Variants in SLC6A5 observed in about 807,000 individuals in gnomAD.
SLC6A5 encodes sodium- and chloride-dependent glycine transporter 2.
SLC6A5 carries 58 observed loss-of-function variants against 90.5 expected under a neutral mutation model. That is an observed-to-expected ratio of 0.64 (90% CI 0.52 to 0.80). SLC6A5 has a LOEUF of 0.80. Among genes scored for constraint, SLC6A5 ranks in the 30% least tolerant of loss-of-function variants. The pLI is 0.00. For missense variants in SLC6A5, 1,015 were observed against 1,017.6 expected (o/e 1.00, Z 0.03); for synonymous variants, 427 against 401.4 (o/e 1.06, Z -0.76).
chr11:20,643,211 T>A (rs1390895610), intron 13 of SLC6A5, among the ~76,000 whole-genome samples: 2 of 150,142 alleles, frequency 1.3e-5, no homozygotes, highest in Admixed American at 6.6e-5. Context: ...AATAGAAATT[T>A]CTAGAATCTC....
Position 20,601,305 on chromosome 11 carries a change from A to C in SLC6A5, c.180A>C (p.Gln60His), listed in dbSNP as rs1262270985. The C allele has an allele frequency of 1.9e-6, 3 of 1,592,226 alleles. No individual in the cohort carries two copies. Among genetic ancestry groups the C allele is most frequent in the Non-Finnish European group, 1.7e-6 (2 of 1,174,314 alleles). ...CCAGGTCCGCTTCCACCGGCGCCCA[A>C]ACTTTCCAGTCAGCGGACGCGCGAG... ...RVPRSASTGA[Q>H]TFQSADARAC... Residue 60 changes from glutamine to histidine, a missense_variant, in exon 2 of 16, where the codon CAA becomes CAC. Gln to His is a conservative substitution (Grantham distance 24). Transcript: ENST00000525748.
chr11:20,630,692 G>A lies in SLC6A5; in HGVS notation c.1501G>A (p.Asp501Asn), dbSNP rs138733797. Residue 501 changes from aspartate to asparagine, a missense_variant and splice_region_variant, in exon 10 of 16, where the codon GAC becomes AAC. Physicochemically the swap from Asp to Asn is conservative, Grantham distance 23. Transcript: ENST00000525748. ...AAAACTCTGGTCTCTTCCTTCCAGG[G>A]ACACTCTAATTGTCACCTGCACCAA... ...YNKFHNNCYR[D>N]TLIVTCTNSA... 6.2e-7 allele frequency: 1 copy of A among 1,614,188 alleles called. No homozygotes were observed.
At chr11:20,617,191 G>C (rs939253420) in intron 6 of SLC6A5, among the ~76,000 whole-genome samples, 4 of 152,202 alleles carry the variant, frequency 2.6e-5, no homozygotes, top group Non-Finnish European at 4.4e-5. Flanking sequence ...TTTTGCTTGA[G>C]CAAGGTCTAG....
chr11:20,636,950 G>A (rs1410082384), intron 11 of SLC6A5, among the ~76,000 whole-genome samples: 1 of 152,134 alleles, frequency 6.6e-6, no homozygotes, highest in African/African-American at 2.4e-5. Flanking sequence ...AGTCTCTGGG[G>A]GTTGGAAGTG....
In SLC6A5 at chr11:20,658,279, T is replaced by A. The variant is rs1351376518; in HGVS notation, c.*3411T>A. Reference sequence around the variant, plus strand: ...TTGTTCCCTTGGCTGTAGGTCATTGTCCTCTTCCCAGAGGCTAGCACAATA... The same window carrying A: ...TTGTTCCCTTGGCTGTAGGTCATTGACCTCTTCCCAGAGGCTAGCACAATA... On this transcript the variant is annotated 3_prime_UTR_variant, in exon 16 of 16. Transcript: ENST00000525748. 1 of 152,214 alleles carries A rather than the reference T, an allele frequency of 6.6e-6. No individual in the cohort carries two copies. Among genetic ancestry groups the A allele is most frequent in the Non-Finnish European group, 1.5e-5 (1 of 68,044 alleles). The allele number at this position is 152,214 out of a possible 1,614,324, so 9.4% of individuals were successfully genotyped here.
chr11:20,629,714 A>G (rs1431578369), intron 9 of SLC6A5, among the ~76,000 whole-genome samples: 2 of 151,318 alleles, frequency 1.3e-5, no homozygotes, highest in Non-Finnish European at 2.9e-5. Flanking sequence ...TAGTCATCTC[A>G]TAGTGCTGTA....
Position 20,626,836 on chromosome 11 carries a change from T to C in SLC6A5, c.1389T>C (p.Asp463=). 1 of 1,613,934 alleles carries C rather than the reference T, an allele frequency of 6.2e-7. No individual in the cohort carries two copies. The highest frequency in any genetic ancestry group is 8.5e-7 in the Non-Finnish European group (1 of 1,179,792). The change falls in exon 8 of 16, where the codon GAT becomes GAC. Residue 463 remains aspartate (D), a synonymous_variant. Coordinates refer to ENST00000525748, the MANE Select transcript of SLC6A5 (RefSeq NM_004211.5). ...FITPKWEKLT[D]ATVWKDAATQ... is the part of the protein sequence containing the mutation. ...CACCCAAGTGGGAGAAACTCACGGATGCCACGGTGGGCTTCTAATTTTATC... is the reference window on the plus strand; with the variant it reads ...CACCCAAGTGGGAGAAACTCACGGACGCCACGGTGGGCTTCTAATTTTATC...
At chr11:20,633,163 T>C (rs1565283690) in intron 10 of SLC6A5, among the ~76,000 whole-genome samples, 1 of 152,096 alleles carries the variant, frequency 6.6e-6, no homozygotes, top group Non-Finnish European at 1.5e-5. Context: ...TCAGAATCTA[T>C]CCTGAAGCCA....
Position 20,646,852 on chromosome 11 carries a change from A to G in SLC6A5, c.1988A>G (p.Glu663Gly). 1 of 1,613,060 alleles carries G rather than the reference A, an allele frequency of 6.2e-7. No homozygotes were observed. Among genetic ancestry groups the G allele is most frequent in the South Asian group, 1.1e-5 (1 of 91,042 alleles). Residue 663 changes from glutamate (E) to glycine (G), a missense_variant, in exon 14 of 16, where the codon GAA (glutamate) becomes GGA (glycine). Glu to Gly is a moderately conservative substitution (Grantham distance 98). Coordinates refer to ENST00000525748, the MANE Select transcript of SLC6A5 (RefSeq NM_004211.5). ...TTTGCAGGCTTGCAAAGATTCTGTG[A>G]AGATATAGAGATGATGATTGGATTC... ...SYVYGLQRFC[E>G]DIEMMIGFQP...
chr11:20,637,116 G>C (rs1165698214), intron 11 of SLC6A5, 56 bp from the exon 12 acceptor site: 1 of 1,584,430 alleles, frequency 6.3e-7, no homozygotes, highest in Admixed American at 1.7e-5. Flanking sequence ...GGGCTTGGGG[G>C]TACCTCCTGG....
chr11:20,607,405 C>T, intron 4 of SLC6A5, 74 bp from the exon 5 acceptor site: 1 of 1,556,546 alleles, frequency 6.4e-7, no homozygotes, highest in East Asian at 2.2e-5. Flanking sequence ...ACCTAGGTCC[C>T]CACCCTATGC....
At chr11:20,651,905 CAAAAAGAAAAA>C (rs1179640720) in intron 14 of SLC6A5, among the ~76,000 whole-genome samples, 2 of 148,646 alleles carry the variant, frequency 1.3e-5, no homozygotes, top group Non-Finnish European at 3.0e-5. Flanking sequence ...GACTCTGTCT[CAAAAAGAAAAA>C]AAAAAGAAAA....
At chr11:20,628,563 C>T (rs150429873) in intron 9 of SLC6A5, among the ~76,000 whole-genome samples, 2 of 152,284 alleles carry the variant, frequency 1.3e-5, no homozygotes, top group Non-Finnish European at 2.9e-5. Context: ...TCTCCAAATA[C>T]AGTCACGTTA....
rs769410721 is a variant in SLC6A5, at chr11:20,617,874, C to A, written c.1250C>A (p.Thr417Asn). Residue 417 changes from threonine to asparagine, a missense_variant, in exon 7 of 16, where the codon ACT becomes AAT. By Grantham distance (65) the Thr-to-Asn change is moderately conservative. Transcript: ENST00000525748. ...GCATCATTGGCTAAAGGAATCAAGA[C>A]TTCAGGAAAAGTAAGCACTTGGATT... ...VYASLAKGIK[T>N]SGKVVYFTAT... 1.2e-6 allele frequency: 2 copies of A among 1,613,574 alleles called. No homozygotes were observed. The highest frequency in any genetic ancestry group is 4.5e-5 in the East Asian group (2 of 44,814).
intron 14 of SLC6A5, among the ~76,000 whole-genome samples, chr11:20,649,745 C>G (rs1468972865): frequency 1.3e-5 from 2 of 152,184 alleles, no homozygotes; most frequent in African/African-American, 4.8e-5. Context: ...GATCACGTTA[C>G]TGAGTTATGC....
intron 14 of SLC6A5, 139 bp downstream of exon 14, chr11:20,647,073 T>C: frequency 1.4e-6 from 1 of 709,870 alleles, no homozygotes. Flanking sequence ...TGGTCTTGTC[T>C]TTCAAATGAG....
At chr11:20,611,017 C>T (rs1852683413) in intron 5 of SLC6A5, among the ~76,000 whole-genome samples, 1 of 152,184 alleles carries the variant, frequency 6.6e-6, no homozygotes, top group Non-Finnish European at 1.5e-5. Flanking sequence ...TCCTTGAAAC[C>T]AAAAATTGAG....
intron 5 of SLC6A5, among the ~76,000 whole-genome samples, chr11:20,612,941 AGCTTGGCACT>A (rs1368144895): frequency 6.6e-6 from 1 of 152,206 alleles, no homozygotes; most frequent in Non-Finnish European, 1.5e-5. Context: ...CATCTGGAAA[AGCTTGGCACT>A]GATTGGCTGG....
rs190122683 is a variant in SLC6A5, at chr11:20,640,572, C to T, written c.1969+2014C>T. 2.3e-3 allele frequency among the ~76,000 whole-genome samples: 344 copies of T among 152,206 alleles called. 1 individual carries two copies. The highest frequency in any genetic ancestry group is 7.8e-3 in the African/African-American group (325 of 41,512). On this transcript the variant is annotated intron_variant, in intron 13 of 15. Transcript: ENST00000525748. ...CCTCCAGAATCAGGTTGACTCTGTG[C>T]TGGGCTCAGGTTGAACCTGACTTCT...
Sources: allele counts gnomAD v4.1 joint callset (sites outside exome capture counted in the v4.1 genomes callset), GRCh38; gene constraint gnomAD v4.1.1; transcripts MANE v1.5; gene names NCBI Gene and HGNC (gene_info 2026-07-23, HGNC 2026-07-21).